RBFOX3: variants seen among roughly 807,000 people sequenced by gnomAD.
The protein encoded by RBFOX3 is RNA binding fox-1 homolog 3, also known as RNA binding protein fox-1 homolog 3.
RBFOX3 carries 17 observed loss-of-function variants against 48.7 expected under a neutral mutation model. The observed-to-expected ratio is 0.35, with a 90% CI of 0.24 to 0.52. The LOEUF is 0.52. RBFOX3 is among the 20% of genes least tolerant of loss of function. RBFOX3 has a pLI of 0.94. For synonymous variants in RBFOX3, 212 were observed against 209.5 expected, an observed-to-expected ratio of 1.01 and a Z score of -0.10; for missense variants, 382 against 497.5, an observed-to-expected ratio of 0.77 and a Z score of 2.21.
chr17:79,121,984 A>T (rs553119048), intron 4 of RBFOX3, among the ~76,000 whole-genome samples: 11 of 151,860 alleles, frequency 7.2e-5, no homozygotes, highest in African/African-American at 2.2e-4. Flanking sequence ...CCCCAAAGGG[A>T]CCTCTGACCT....
intron 3 of RBFOX3, among the ~76,000 whole-genome samples, chr17:79,255,928 T>C (rs373256743): frequency 6.6e-6 from 1 of 151,340 alleles, no homozygotes. Flanking sequence ...ACCCGCTGCC[T>C]GCCGAGCACA....
At chr17:79,596,891 C>T (rs1343123817) in intron 1 of RBFOX3, among the ~76,000 whole-genome samples, 3 of 152,192 alleles carry the variant, frequency 2.0e-5, no homozygotes, top group East Asian at 1.9e-4. Flanking sequence ...ACTTGCTCAC[C>T]GCCTTAGATA....
At chr17:79,131,885 C>T (rs1228405350) in intron 4 of RBFOX3, among the ~76,000 whole-genome samples, 1 of 152,176 alleles carries the variant, frequency 6.6e-6, no homozygotes. Flanking sequence ...CAGGTCAGCA[C>T]AGATCTCAGC....
At chr17:79,305,232 G>A (rs1322749229) in intron 3 of RBFOX3, among the ~76,000 whole-genome samples, 1 of 152,180 alleles carries the variant, frequency 6.6e-6, no homozygotes, top group Admixed American at 6.5e-5. Flanking sequence ...GGGGGGAAAG[G>A]GAGAGGTGGG....
chr17:79,459,146 C>T (rs1430823695), intron 2 of RBFOX3, among the ~76,000 whole-genome samples: 2 of 152,162 alleles, frequency 1.3e-5, no homozygotes, highest in East Asian at 1.9e-4. Flanking sequence ...GAGTAGAGTC[C>T]CCAGGTCCCT....
At chr17:79,346,333 A>T (rs1183672179) in intron 2 of RBFOX3, among the ~76,000 whole-genome samples, 1 of 151,702 alleles carries the variant, frequency 6.6e-6, no homozygotes, top group Admixed American at 6.6e-5. Flanking sequence ...TAACTACACA[A>T]TTTTTTTTTC....
chr17:79,400,709 G>A (rs1213009437), intron 2 of RBFOX3, among the ~76,000 whole-genome samples: 2 of 152,228 alleles, frequency 1.3e-5, no homozygotes, highest in East Asian at 3.9e-4. Context: ...CCCAAATGCA[G>A]CAGCTCCTGC....
intron 10 of RBFOX3, 24 bp downstream of exon 10, chr17:79,097,668 T>TCCCCC: frequency 9.9e-7 from 1 of 1,010,928 alleles, no homozygotes; most frequent in Non-Finnish European, 1.4e-6. Flanking sequence ...TCTCATCCCA[T>TCCCCC]CCCCGCCCCG....
At chr17:79,499,867 T>A (rs910531057) in intron 1 of RBFOX3, among the ~76,000 whole-genome samples, 1,744 of 152,304 alleles carry the variant, frequency 0.011, 32 homozygotes, top group African/African-American at 0.039. Flanking sequence ...GAGTATGCAT[T>A]AATGGGGCTC....
At chr17:79,327,791 G>T (rs535613756) in intron 2 of RBFOX3, among the ~76,000 whole-genome samples, 2 of 152,276 alleles carry the variant, frequency 1.3e-5, no homozygotes, top group Admixed American at 1.3e-4. Context: ...CGCCTCCTGG[G>T]TTCAAGCGAT....
chr17:79,513,590 G>T (rs1201599971), intron 1 of RBFOX3, among the ~76,000 whole-genome samples: 2 of 152,228 alleles, frequency 1.3e-5, no homozygotes, highest in Non-Finnish European at 2.9e-5. Context: ...TGGTGAAAGG[G>T]CCTCCTTGGA....
chr17:79,530,778 C>T (rs964462846), intron 1 of RBFOX3, among the ~76,000 whole-genome samples: 3 of 152,146 alleles, frequency 2.0e-5, no homozygotes, highest in Admixed American at 1.3e-4. Context: ...CCACATGCCG[C>T]GGGACCACAG....
upstream of RBFOX3, among the ~76,000 whole-genome samples, chr17:79,611,934 C>T (rs1180149004): frequency 6.6e-6 from 1 of 152,188 alleles, no homozygotes; most frequent in Non-Finnish European, 1.5e-5. Context: ...TGTCCCCAGT[C>T]CCAGCCTCCC....
chr17:79,451,980 C>T (rs987346205), intron 2 of RBFOX3, among the ~76,000 whole-genome samples: 7 of 152,218 alleles, frequency 4.6e-5, no homozygotes, highest in East Asian at 1.9e-4. Context: ...TACCAACACC[C>T]GCAGGGCTCT....
intron 4 of RBFOX3, among the ~76,000 whole-genome samples, chr17:79,187,165 G>A (rs927087455): frequency 3.9e-5 from 6 of 152,214 alleles, no homozygotes; most frequent in South Asian, 2.1e-4. Flanking sequence ...AGATGACTTG[G>A]GGGAGTATTT....
chr17:79,265,110 G>A (rs976626056), intron 3 of RBFOX3, among the ~76,000 whole-genome samples: 1 of 152,300 alleles, frequency 6.6e-6, no homozygotes, highest in Middle Eastern at 3.4e-3. Flanking sequence ...GGGTGAGCTG[G>A]GCAGAGGCAG....
At chr17:79,320,086 G>A (rs1398547217) in intron 2 of RBFOX3, among the ~76,000 whole-genome samples, 3 of 152,212 alleles carry the variant, frequency 2.0e-5, no homozygotes, top group African/African-American at 4.8e-5. Flanking sequence ...TGGGCTGCTG[G>A]TCTTCTCTGG....
chr17:79,207,520 C>G (rs1416239502), intron 4 of RBFOX3, among the ~76,000 whole-genome samples: 1 of 152,242 alleles, frequency 6.6e-6, no homozygotes, highest in African/African-American at 2.4e-5. Context: ...AGAAGCCTCT[C>G]GGGTTATTCC....
chr17:79,422,565 A>C (rs2066612643), intron 2 of RBFOX3, among the ~76,000 whole-genome samples: 2 of 152,128 alleles, frequency 1.3e-5, no homozygotes, highest in African/African-American at 4.8e-5. Context: ...CCAGGCAGAC[A>C]CTCGGTCTGG....
Sources: gnomAD v4.1 joint callset for allele counts (sites outside exome capture counted in the v4.1 genomes callset) on GRCh38, gnomAD v4.1.1 for gene constraint, MANE v1.5 for transcripts, NCBI Gene and HGNC (gene_info 2026-07-23, HGNC 2026-07-21) for gene names.